Variants in KIF6 observed in about 807,000 individuals in gnomAD.
KIF6 encodes kinesin family member 6.
KIF6 carries 106 observed loss-of-function variants against 112.7 expected under a neutral mutation model. The ratio of observed to expected loss-of-function variants is 0.94; its 90% CI spans 0.80 to 1.11. KIF6 has a LOEUF of 1.11. Ranked by LOEUF, KIF6 falls within the 50% of genes least tolerant of loss-of-function variation. The pLI, the probability that KIF6 is intolerant of heterozygous loss-of-function variation, is 0.00. For missense variants in KIF6, 929 were observed against 964.0 expected (o/e 0.96, Z 0.48); for synonymous variants, 339 against 339.9 (o/e 1.00, Z 0.03).
At chr6:39,564,709 A>C (rs960007425) in intron 10 of KIF6, among the ~76,000 whole-genome samples, 9 of 152,230 alleles carry the variant, frequency 5.9e-5, no homozygotes, top group African/African-American at 2.2e-4. Context: ...AGTTGGATGT[A>C]TACTGCGAAC....
intron 1 of KIF6, among the ~76,000 whole-genome samples, chr6:39,723,346 C>T (rs1048925006): frequency 2.6e-5 from 4 of 152,154 alleles, no homozygotes; most frequent in African/African-American, 9.7e-5. Context: ...CATATACTCA[C>T]AAATATGATC....
chr6:39,557,910 A>G (rs1779798438), intron 10 of KIF6, among the ~76,000 whole-genome samples: 1 of 151,376 alleles, frequency 6.6e-6, no homozygotes, highest in Admixed American at 6.6e-5. Flanking sequence ...AATACTTGTT[A>G]TCTTTGGTGA....
intron 16 of KIF6, among the ~76,000 whole-genome samples, chr6:39,383,862 C>A (rs539518279): frequency 2.6e-5 from 4 of 152,150 alleles, no homozygotes; most frequent in South Asian, 2.1e-4. Flanking sequence ...TCATAGAGAT[C>A]TTTCACCTTC....
At chr6:39,593,328 C>T (rs1378931045) in intron 7 of KIF6, among the ~76,000 whole-genome samples, 3 of 152,130 alleles carry the variant, frequency 2.0e-5, no homozygotes, top group African/African-American at 7.2e-5. Context: ...CATTAAACAT[C>T]TTCCCACTCT....
chr6:39,707,437 G>T (rs1224218837), intron 3 of KIF6, among the ~76,000 whole-genome samples: 1 of 152,198 alleles, frequency 6.6e-6, no homozygotes, highest in Non-Finnish European at 1.5e-5. Context: ...GTTTCTGGGT[G>T]TCTGGTTTCT....
chr6:39,552,084 T>G (rs910969551), intron 10 of KIF6, among the ~76,000 whole-genome samples: 20 of 152,160 alleles, frequency 1.3e-4, no homozygotes, highest in Admixed American at 4.6e-4. Context: ...TTAAGAAGCA[T>G]TGCAACAAGG....
At chr6:39,502,173 G>A (rs1199693540) in intron 13 of KIF6, among the ~76,000 whole-genome samples, 1 of 152,086 alleles carries the variant, frequency 6.6e-6, no homozygotes, top group Non-Finnish European at 1.5e-5. Flanking sequence ...AAGAGATTGT[G>A]GGCCAATACT....
intron 3 of KIF6, among the ~76,000 whole-genome samples, chr6:39,655,417 T>C (rs1466044174): frequency 6.6e-6 from 1 of 152,140 alleles, no homozygotes; most frequent in Non-Finnish European, 1.5e-5. Context: ...TACCTTTTAA[T>C]ACTGCTTATA....
At chr6:39,337,172 C>CTTCCTCCTTTCTTTCTTTCTTTCT (rs1554195076) in intron 22 of KIF6, among the ~76,000 whole-genome samples, 1 of 59,504 alleles carries the variant, frequency 1.7e-5, no homozygotes. Context: ...TCTTTCCTTC[C>CTTCCTCCTTTCTTTCTTTCTTTCT]TTCTTTCTTT....
rs544851763 is a variant in KIF6, at chr6:39,334,221, A to G, written c.*2311T>C. On this transcript the variant is annotated 3_prime_UTR_variant, in exon 23 of 23. Transcript: ENST00000287152. ...GCTGGTTCACACCCCGCATGGGGCCATGCCACACATCTCTGTCAGTAAGGC... is the reference window on the plus strand; with the variant it reads ...GCTGGTTCACACCCCGCATGGGGCCGTGCCACACATCTCTGTCAGTAAGGC... 1.3e-5 allele frequency: 2 copies of G among 152,358 alleles called. No homozygotes were observed. Among genetic ancestry groups the G allele is most frequent in the Admixed American group, 1.3e-4 (2 of 15,308 alleles). 9.4% of individuals were successfully genotyped at this position (152,358 alleles called of 1,614,324 possible).
intron 10 of KIF6, among the ~76,000 whole-genome samples, chr6:39,573,485 T>C (rs1582167407): frequency 6.6e-6 from 1 of 152,188 alleles, no homozygotes; most frequent in East Asian, 1.9e-4. Context: ...CAGAACACAT[T>C]GTCTGAATAA....
chr6:39,507,638 CCCTT>C (rs771041554), intron 13 of KIF6, among the ~76,000 whole-genome samples: 14 of 29,862 alleles, frequency 4.7e-4, no homozygotes, highest in African/African-American at 2.2e-3. Context: ...CTTTCCTTTC[CCCTT>C]CCTTCCTTCC....
chr6:39,366,202 G>A (rs983620847), intron 16 of KIF6, among the ~76,000 whole-genome samples: 1 of 152,066 alleles, frequency 6.6e-6, no homozygotes, highest in Non-Finnish European at 1.5e-5. Flanking sequence ...CCCATTCCCT[G>A]CGCAACACCA....
rs909222939 is a variant in KIF6, at chr6:39,678,245, G to A, written c.251+36447C>T. Among the ~76,000 whole-genome samples the A allele has an allele frequency of 8.6e-5, 13 of 152,028 alleles. No individual in the cohort carries two copies. The East Asian group carries it at 1.6e-3, about 18-fold the overall frequency. ...CAACCATTGTGGAAGTCAGTGTGGC[G>A]ATTCCTCAGGGATCTAGAACTAGAA... is the stretch of plus-strand genomic sequence containing the variant. On this transcript the variant is annotated intron_variant, in intron 3 of 22. Coordinates refer to ENST00000287152, the MANE Select transcript of KIF6 (RefSeq NM_145027.6).
rs1429673305 is a variant in KIF6 at position 39,398,669 on chromosome 6, A to G, written c.1811-12997T>C. ...AGGTAGGTGCTTCTAAGTAAGAGTT[A>G]GATGTTCTATTTAGTATTCTGTCTT... On this transcript the variant is annotated intron_variant, in intron 15 of 22. Transcript: ENST00000287152. Among the ~76,000 whole-genome samples, 7 of 152,356 alleles carry G rather than the reference A, an allele frequency of 4.6e-5. No homozygotes were observed. The East Asian group carries it at 1.3e-3, about 29-fold the overall frequency.
At position 39,337,107 on chromosome 6, in the gene KIF6, CTTCTCT is replaced by C. The variant is rs1280142403; in HGVS notation, c.2429-565_2429-560del. Reference sequence around the variant, plus strand: ...TCCTTCTTTCCTTTCTTTCTTCTTTCTTCTCTTTCTTTCTTTCTTTCCTCCTTCCTT... The same window carrying C: ...TCCTTCTTTCCTTTCTTTCTTCTTTCTTCTTTCTTTCTTTCCTCCTTCCTT... On this transcript the variant is annotated intron_variant, in intron 22 of 22. Coordinates refer to ENST00000287152, the MANE Select transcript of KIF6 (RefSeq NM_145027.6). Among the ~76,000 whole-genome samples, 282 of 118,542 alleles carry C rather than the reference CTTCTCT, an allele frequency of 2.4e-3. 8 individuals are homozygous for C. The highest frequency in any genetic ancestry group is 0.011 in the African/African-American group (271 of 25,780). 77.8% of individuals were successfully genotyped at this position (118,542 alleles called of 152,430 possible).
At chr6:39,575,956 G>A (rs992598805) in intron 10 of KIF6, among the ~76,000 whole-genome samples, 2 of 152,102 alleles carry the variant, frequency 1.3e-5, no homozygotes, top group African/African-American at 2.4e-5. Context: ...TAGGTATGAC[G>A]AGAGATCCAT....
At chr6:39,528,116 C>G (rs1018889616) in intron 13 of KIF6, among the ~76,000 whole-genome samples, 2 of 152,122 alleles carry the variant, frequency 1.3e-5, no homozygotes, top group African/African-American at 4.8e-5. Context: ...CATCATCTCC[C>G]TATCCCCTCC....
chr6:39,397,977 A>G (rs918292471), intron 15 of KIF6, among the ~76,000 whole-genome samples: 2 of 152,220 alleles, frequency 1.3e-5, no homozygotes, highest in African/African-American at 4.8e-5. Flanking sequence ...AAAATAATTT[A>G]CAAGCTTCAG....
Sources: allele counts gnomAD v4.1 joint callset (sites outside exome capture counted in the v4.1 genomes callset), GRCh38; gene constraint gnomAD v4.1.1; transcripts MANE v1.5; gene names NCBI Gene and HGNC (gene_info 2026-07-23, HGNC 2026-07-21).